Variants in SORCS2 observed in about 807,000 individuals in gnomAD.
SORCS2 encodes the protein VPS10 domain-containing receptor SorCS2.
Under a neutral mutation model 141.6 loss-of-function variants are expected in SORCS2, and 100 were observed. The observed-to-expected ratio is 0.71, with a 90% confidence interval of 0.60 to 0.83. SORCS2 has a LOEUF of 0.83. Ranked by LOEUF, SORCS2 falls within the 40% of genes least tolerant of loss-of-function variation. SORCS2 has a pLI of 0.00. For synonymous variants in SORCS2, 789 were observed against 676.9 expected (o/e 1.17, Z -2.57); for missense variants, 1,646 against 1,560.2 (o/e 1.05, Z -0.93).
chr4:7,468,237 G>A (rs964238098), intron 2 of SORCS2, among the ~76,000 whole-genome samples: 10 of 152,208 alleles, frequency 6.6e-5, no homozygotes, highest in African/African-American at 1.7e-4. Flanking sequence ...GGACTCCACC[G>A]TCCTCCTTCC....
intron 1 of SORCS2, among the ~76,000 whole-genome samples, chr4:7,235,314 C>G (rs1025350021): frequency 1.3e-5 from 2 of 152,336 alleles, no homozygotes; most frequent in Admixed American, 1.3e-4. Context: ...TCGCCAGGAC[C>G]CTCCTTCTTA....
At chr4:7,598,754 C>T (rs1717453063) in intron 3 of SORCS2, among the ~76,000 whole-genome samples, 2 of 152,220 alleles carry the variant, frequency 1.3e-5, no homozygotes, top group African/African-American at 4.8e-5. Flanking sequence ...TATTCTTCAA[C>T]CTCCAGAAGT....
At chr4:7,318,568 G>A (rs537433532) in intron 1 of SORCS2, among the ~76,000 whole-genome samples, 3 of 152,298 alleles carry the variant, frequency 2.0e-5, no homozygotes, top group Non-Finnish European at 4.4e-5. Context: ...ATGGTAAAAT[G>A]TCTATCGCAT....
At chr4:7,589,664 G>T (rs572051633) in intron 3 of SORCS2, among the ~76,000 whole-genome samples, 1 of 152,328 alleles carries the variant, frequency 6.6e-6, no homozygotes, top group Admixed American at 6.5e-5. Flanking sequence ...GCCTCCCAAA[G>T]TGCTGGGATT....
chr4:7,698,323 A>C (rs778288194), intron 12 of SORCS2, among the ~76,000 whole-genome samples: 13 of 152,220 alleles, frequency 8.5e-5, no homozygotes, highest in Non-Finnish European at 1.5e-4. Flanking sequence ...CCCCTCCCAC[A>C]CAGCAATGCT....
chr4:7,395,112 C>T lies in SORCS2; in HGVS notation c.481-1176C>T, dbSNP rs1282623574. ...AATCTGGCCTTGATTGACAAGGCCT[C>T]GCTTTTTTAAATCATCGCCGCCTGT... On this transcript the variant is annotated intron_variant, in intron 1 of 26. Transcript: ENST00000507866. 2.6e-5 allele frequency among the ~76,000 whole-genome samples: 4 copies of T among 152,332 alleles called. No individual in the cohort carries two copies. The South Asian group carries it at 6.2e-4, about 24-fold the overall frequency.
rs536822967 is a variant in SORCS2, at chr4:7,525,204, T to G, written c.549-6326T>G. Among the ~76,000 whole-genome samples, 4 of 152,188 alleles carry G rather than the reference T, an allele frequency of 2.6e-5. No homozygotes were observed. In the South Asian group the frequency reaches 8.3e-4, roughly 32 times the overall value. On this transcript the variant is annotated intron_variant, in intron 2 of 26. Coordinates refer to ENST00000507866, the MANE Select transcript of SORCS2 (RefSeq NM_020777.3). ...TGAGTTGCCCACCAGGAAAACACAG[T>G]CCGGGCAAGAGGCTTCTGGGAAGAA...
intron 1 of SORCS2, among the ~76,000 whole-genome samples, chr4:7,363,097 C>T (rs1458507572): frequency 3.3e-5 from 5 of 151,722 alleles, no homozygotes; most frequent in African/African-American, 1.2e-4. Context: ...ATCACCATCA[C>T]CACTACCATC....
chr4:7,527,213 T>C (rs945675226), intron 2 of SORCS2, among the ~76,000 whole-genome samples: 1 of 152,226 alleles, frequency 6.6e-6, no homozygotes, highest in Non-Finnish European at 1.5e-5. Context: ...AAATGCCCAC[T>C]TGTGGTCGGC....
chr4:7,715,238 G>A lies in SORCS2; in HGVS notation c.2179G>A (p.Ala727Thr), dbSNP rs1726112478. Residue 727 changes from alanine to threonine, a missense_variant, in exon 17 of 27, where the codon GCC becomes ACC. Transcript: ENST00000507866. ...AGAGTCCAGCACCAACAAGTGCTCT[G>A]CCAACTTCTGGTTTAACCCATTGTC... ...SSESSTNKCS[A>T]NFWFNPLSPP... is the part of the protein sequence containing the mutation. 14 of 1,613,872 alleles carry A rather than the reference G, an allele frequency of 8.7e-6. No homozygotes were observed. The highest frequency in any genetic ancestry group is 2.7e-5 in the African/African-American group (2 of 74,926).
intron 3 of SORCS2, among the ~76,000 whole-genome samples, chr4:7,548,756 T>C (rs1448596316): frequency 6.6e-6 from 1 of 152,084 alleles, no homozygotes; most frequent in Non-Finnish European, 1.5e-5. Context: ...GCATCCACGG[T>C]GACCCAGGGA....
intron 23 of SORCS2, among the ~76,000 whole-genome samples, chr4:7,732,949 C>G (rs1238239353): frequency 6.6e-6 from 1 of 151,946 alleles, no homozygotes; most frequent in Admixed American, 6.5e-5. Flanking sequence ...CTGGTCCACC[C>G]AGCTCTCCCA....
At chr4:7,493,939 G>A (rs940861809) in intron 2 of SORCS2, among the ~76,000 whole-genome samples, 1 of 152,160 alleles carries the variant, frequency 6.6e-6, no homozygotes, top group Non-Finnish European at 1.5e-5. Flanking sequence ...AAGCCTTTTA[G>A]TTTCCATCTG....
chr4:7,396,460 G>GACTCACAGGGGC, intron 2 of SORCS2, 105 bp downstream of exon 2: 1 of 1,184,574 alleles, frequency 8.4e-7, no homozygotes, highest in Non-Finnish European at 1.2e-6. Context: ...GGCAGCCCCT[G>GACTCACAGGGGC]TGAGTCAGTG....
intron 1 of SORCS2, among the ~76,000 whole-genome samples, chr4:7,242,133 G>T (rs373938651): frequency 1.3e-5 from 2 of 152,214 alleles, no homozygotes; most frequent in Non-Finnish European, 2.9e-5. Context: ...TGCTGTGGCT[G>T]GTCCTTAGGA....
chr4:7,337,669 C>T (rs1301225368), intron 1 of SORCS2, among the ~76,000 whole-genome samples: 1 of 152,150 alleles, frequency 6.6e-6, no homozygotes, highest in Non-Finnish European at 1.5e-5. Flanking sequence ...TCTACACCCG[C>T]ACGCTGGGGC....
intron 2 of SORCS2, chr4:7,434,413 T>C: frequency 6.2e-7 from 1 of 1,608,632 alleles, no homozygotes; most frequent in Non-Finnish European, 8.5e-7. Context: ...AAAGGTGTCC[T>C]CTTTGGAGAG....
At chr4:7,280,653 A>G (rs1715815226) in intron 1 of SORCS2, among the ~76,000 whole-genome samples, 1 of 152,184 alleles carries the variant, frequency 6.6e-6, no homozygotes, top group Non-Finnish European at 1.5e-5. Flanking sequence ...GGCTGTACTG[A>G]TTTCAATTCC....
intron 2 of SORCS2, among the ~76,000 whole-genome samples, chr4:7,447,453 T>C (rs971076277): frequency 1.3e-5 from 2 of 152,176 alleles, no homozygotes; most frequent in Admixed American, 1.3e-4. Flanking sequence ...CACTGAGGCT[T>C]AGGGAAGTTC....
Sources: allele counts gnomAD v4.1 joint callset (sites outside exome capture counted in the v4.1 genomes callset), GRCh38; gene constraint gnomAD v4.1.1; transcripts MANE v1.5; gene names NCBI Gene and HGNC (gene_info 2026-07-23, HGNC 2026-07-21).